Variants in C10orf143 observed in about 807,000 individuals in gnomAD.
C10orf143 encodes the protein chromosome 10 open reading frame 143, also known as uncharacterized protein C10orf143.
At chr10:130,058,770 T>A (rs1052544112) in intron 3 of C10orf143, among the ~76,000 whole-genome samples, 1 of 152,118 alleles carries the variant, frequency 6.6e-6, no homozygotes, top group African/African-American at 2.4e-5. Flanking sequence ...CCCCTTATCC[T>A]GCAATTCATC....
Position 130,056,937 on chromosome 10 carries a change from G to A in C10orf143, c.298-20967C>T, listed in dbSNP as rs1860804009. 6.6e-6 allele frequency among the ~76,000 whole-genome samples: 1 copy of A among 151,994 alleles called. No individual in the cohort carries two copies. The highest frequency in any genetic ancestry group is 1.5e-5 in the Non-Finnish European group (1 of 68,018). On this transcript the variant is annotated intron_variant and NMD_transcript_variant, in intron 3 of 5. Transcript: ENST00000643056. The surrounding 1 kb of genome is among the most constrained non-coding windows in gnomAD (Gnocchi z 4.6). The stretch of plus-strand genomic sequence containing the variant: ...AGAGTCTCACTGTGTCTCCCAGGCT[G>A]GAGTAGGTGGCTCGATCATGGCTCA...
chr10:130,046,806 T>A (rs1860680257), intron 3 of C10orf143, among the ~76,000 whole-genome samples: 1 of 152,236 alleles, frequency 6.6e-6, no homozygotes, highest in Non-Finnish European at 1.5e-5. Flanking sequence ...CGTGCGTCTA[T>A]GCAGCGCCTA....
chr10:130,050,368 AAG>A (rs1360389901), intron 3 of C10orf143, among the ~76,000 whole-genome samples: 1 of 152,242 alleles, frequency 6.6e-6, no homozygotes, highest in Non-Finnish European at 1.5e-5. Flanking sequence ...CCAGGAGTTC[AAG>A]ACCAGCCTGA....
intron 3 of C10orf143, among the ~76,000 whole-genome samples, chr10:130,074,881 C>T (rs1030212998): frequency 2.0e-5 from 3 of 152,052 alleles, no homozygotes; most frequent in Non-Finnish European, 4.4e-5. Context: ...CCAAACACCT[C>T]CCTTCCCCTG....
chr10:130,060,272 C>T (rs986041018), downstream of C10orf143, among the ~76,000 whole-genome samples: 3 of 152,168 alleles, frequency 2.0e-5, no homozygotes, highest in Non-Finnish European at 2.9e-5. Context: ...GTGCCCTCTG[C>T]ACCAGCAGCA....
At chr10:130,103,265 T>G (rs994947703) in intron 1 of C10orf143, among the ~76,000 whole-genome samples, 2 of 152,144 alleles carry the variant, frequency 1.3e-5, no homozygotes, top group Admixed American at 6.6e-5. Flanking sequence ...GGTGTTGAGC[T>G]ACCACGCACA....
chr10:130,092,821 A>C (rs957539887), intron 1 of C10orf143, among the ~76,000 whole-genome samples: 2 of 152,214 alleles, frequency 1.3e-5, no homozygotes, highest in African/African-American at 4.8e-5. Context: ...AAGACAAAGA[A>C]GGGCATTACA....
At chr10:130,047,930 T>C (rs1287772490) in intron 3 of C10orf143, among the ~76,000 whole-genome samples, 1 of 152,190 alleles carries the variant, frequency 6.6e-6, no homozygotes, top group African/African-American at 2.4e-5. Context: ...GGCCAGCTGT[T>C]TTTGCCTTTG....
rs182303915 is a variant in C10orf143 at position 130,046,100 on chromosome 10, G to C, written c.298-10130C>G. ...GGAGTGGCTCAGGGCATGGGGATGG[G>C]GCGGGGCGTGGGACGGGGCGTGGCG... On this transcript the variant is annotated intron_variant and NMD_transcript_variant, in intron 3 of 5. Transcript: ENST00000643056. Among the ~76,000 whole-genome samples, 313 of 151,830 alleles carry C rather than the reference G, an allele frequency of 2.1e-3. 3 individuals are homozygous for C. The highest frequency in any genetic ancestry group is 7.3e-3 in the African/African-American group (300 of 41,364).
intron 3 of C10orf143, among the ~76,000 whole-genome samples, chr10:130,076,880 T>C (rs960070281): frequency 6.6e-6 from 1 of 152,044 alleles, no homozygotes; most frequent in Non-Finnish European, 1.5e-5. Context: ...GCCATGGCGA[T>C]CATCCTCTAC....
intron 3 of C10orf143, among the ~76,000 whole-genome samples, chr10:130,047,618 G>C: frequency 6.6e-6 from 1 of 152,338 alleles, no homozygotes; most frequent in African/African-American, 2.4e-5. Context: ...AGACCCGGAC[G>C]AAGCCAGCTG....
intron 1 of C10orf143, among the ~76,000 whole-genome samples, chr10:130,097,255 T>G (rs1861477098): frequency 6.6e-6 from 1 of 152,064 alleles, no homozygotes; most frequent in African/African-American, 2.4e-5. Flanking sequence ...ATGCTCAACA[T>G]CAATACTACA....
intron 3 of C10orf143, among the ~76,000 whole-genome samples, chr10:130,069,210 A>G (rs951186872): frequency 6.6e-6 from 1 of 152,216 alleles, no homozygotes; most frequent in African/African-American, 2.4e-5. Flanking sequence ...CTCATCAGAC[A>G]TCATGGAGTG....
chr10:130,045,253 C>T (rs373166351), intron 3 of C10orf143, among the ~76,000 whole-genome samples: 3 of 152,260 alleles, frequency 2.0e-5, no homozygotes, highest in South Asian at 2.1e-4. Context: ...GCAGGCACCT[C>T]GCCAGGCATT....
At chr10:130,037,691 C>T (rs555466136) in intron 3 of C10orf143, among the ~76,000 whole-genome samples, 30 of 152,298 alleles carry the variant, frequency 2.0e-4, no homozygotes, top group Admixed American at 1.6e-3. Flanking sequence ...GAAATCAATG[C>T]GGGCCTTATT....
At chr10:130,099,787 C>T (rs577983472) in intron 1 of C10orf143, among the ~76,000 whole-genome samples, 3 of 151,118 alleles carry the variant, frequency 2.0e-5, no homozygotes, top group Admixed American at 6.6e-5. Flanking sequence ...CTCAGCCTCC[C>T]GAAGTGCAAG....
At chr10:130,105,785 G>T (rs1243901877) in intron 1 of C10orf143, among the ~76,000 whole-genome samples, 1 of 152,068 alleles carries the variant, frequency 6.6e-6, no homozygotes, top group Admixed American at 6.5e-5. Context: ...CCCCACGGCT[G>T]CCTGGCCAAA....
chr10:130,065,747 AG>A lies in C10orf143; in HGVS notation c.298-1365del, dbSNP rs751341226. ...AATGGACATCAAGTCTCTAAAAGGC[AG>A]GGGAAAGTATGTAGCATTTCCTGAA... On this transcript the variant is annotated intron_variant, in intron 3 of 3. Transcript: ENST00000637128. The surrounding 1 kb of genome is among the most constrained non-coding windows in gnomAD (Gnocchi z 4.2). 3 of 152,250 alleles carry A rather than the reference AG, an allele frequency of 2.0e-5. No individual in the cohort carries two copies. The highest frequency in any genetic ancestry group is 4.4e-5 in the Non-Finnish European group (3 of 68,052). The allele number at this position is 152,250 out of a possible 1,614,324, so 9.4% of individuals were successfully genotyped here.
intron 3 of C10orf143, among the ~76,000 whole-genome samples, chr10:130,037,966 GC>G (rs1289127098): frequency 6.6e-6 from 1 of 152,148 alleles, no homozygotes; most frequent in Non-Finnish European, 1.5e-5. Context: ...CTCAGGTCAA[GC>G]TTTGTCTGCG....
Sources: allele counts gnomAD v4.1 joint callset (sites outside exome capture counted in the v4.1 genomes callset), GRCh38; gene constraint gnomAD v4.1.1; non-coding constraint Gnocchi (gnomAD v3.1); transcripts MANE v1.5; gene names NCBI Gene and HGNC (gene_info 2026-07-23, HGNC 2026-07-21).